The following MPZL1 variants were observed in gnomAD, a reference collection of about 807,000 sequenced individuals.
MPZL1 encodes myelin protein zero like 1.
Under a neutral mutation model 29.3 loss-of-function variants are expected in MPZL1, and 16 were observed. The observed-to-expected ratio is 0.55, with a 90% CI of 0.37 to 0.83. MPZL1 has a LOEUF of 0.83. Ranked by LOEUF, MPZL1 falls within the 40% of genes least tolerant of loss-of-function variation. The pLI, the probability that MPZL1 is intolerant of heterozygous loss-of-function variation, is 0.00. For synonymous variants in MPZL1, 143 were observed against 132.0 expected, an observed-to-expected ratio of 1.08 and a Z score of -0.57; for missense variants, 279 against 332.9, an observed-to-expected ratio of 0.84 and a Z score of 1.26.
At chr1:167,737,534 C>T (rs537059109) in intron 1 of MPZL1, among the ~76,000 whole-genome samples, 1 of 152,276 alleles carries the variant, frequency 6.6e-6, no homozygotes, top group Admixed American at 6.5e-5. Context: ...TTTAGCAGAT[C>T]GGGTTGTTAG....
In MPZL1 at chr1:167,741,703, A is replaced by AT. The variant is rs1424400013; in HGVS notation, c.91+19465dup. On this transcript the variant is annotated intron_variant, in intron 1 of 5. Transcript: ENST00000359523. ...CATTTTCTACATAGCAGCAAGAACT[A>AT]TTTTACATCAGGTGCTGTCATTTTG... is the stretch of plus-strand genomic sequence containing the variant. Among the ~76,000 whole-genome samples, 3 of 151,944 alleles carry AT rather than the reference A, an allele frequency of 2.0e-5. 1 individual carries two copies. The highest frequency in any genetic ancestry group is 4.8e-5 in the African/African-American group (2 of 41,390).
chr1:167,782,777 G>T (rs1661522040), intron 5 of MPZL1, among the ~76,000 whole-genome samples: 1 of 152,066 alleles, frequency 6.6e-6, no homozygotes, highest in African/African-American at 2.4e-5. Flanking sequence ...GAGGCAGAAG[G>T]GTAAGCATCG....
chr1:167,768,062 C>T (rs1661155957), intron 2 of MPZL1, among the ~76,000 whole-genome samples: 3 of 152,014 alleles, frequency 2.0e-5, no homozygotes, highest in African/African-American at 7.3e-5. Flanking sequence ...TGGTCTTGTG[C>T]AGTAGCCCCT....
intron 1 of MPZL1, among the ~76,000 whole-genome samples, chr1:167,751,500 T>C (rs1197065847): frequency 6.6e-6 from 1 of 152,012 alleles, no homozygotes; most frequent in Non-Finnish European, 1.5e-5. Context: ...TGAAACCCCA[T>C]CTCTACTAAA....
intron 2 of MPZL1, among the ~76,000 whole-genome samples, chr1:167,767,083 A>G (rs1281548779): frequency 6.6e-6 from 1 of 152,248 alleles, no homozygotes; most frequent in East Asian, 1.9e-4. Flanking sequence ...CCCAAGAGCC[A>G]GTGTTTGCTC....
chr1:167,748,535 C>T (rs1425419467), intron 1 of MPZL1, among the ~76,000 whole-genome samples: 1 of 152,144 alleles, frequency 6.6e-6, no homozygotes, highest in Non-Finnish European at 1.5e-5. Flanking sequence ...ATACAAGTCT[C>T]ATATATGATT....
At chr1:167,787,085 G>GA (rs1233445968) in intron 5 of MPZL1, 9 of 152,200 alleles carry the variant, frequency 5.9e-5, no homozygotes, top group Non-Finnish European at 1.3e-4. Context: ...CTGAGGCTGA[G>GA]AAGAGGATCT....
intron 1 of MPZL1, among the ~76,000 whole-genome samples, chr1:167,749,252 T>C (rs1012057635): frequency 5.3e-5 from 8 of 152,218 alleles, no homozygotes; most frequent in Admixed American, 5.2e-4. Flanking sequence ...CTCTAAAATT[T>C]TGTTGTACCA....
rs748144306 is a variant in MPZL1 at position 167,770,102 on chromosome 1, A to G, written c.259-2173A>G. Among the ~76,000 whole-genome samples the G allele has an allele frequency of 7.9e-5, 12 of 152,170 alleles. 1 individual carries two copies. Among genetic ancestry groups the G allele is most frequent in the Non-Finnish European group, 1.6e-4 (11 of 68,026 alleles). ...TAAAGTGAGTAGGCAAGGAGTCTAG[A>G]GCTTAGGGGACGCTATTGATGGAGA... is the stretch of plus-strand genomic sequence containing the variant. On this transcript the variant is annotated intron_variant, in intron 2 of 5. Coordinates refer to ENST00000359523, the MANE Select transcript of MPZL1 (RefSeq NM_003953.6).
intron 2 of MPZL1, among the ~76,000 whole-genome samples, chr1:167,770,905 C>G (rs1439788348): frequency 1.3e-5 from 2 of 151,946 alleles, no homozygotes; most frequent in Non-Finnish European, 2.9e-5. Flanking sequence ...GAGTCTGATT[C>G]TTCCATTGAA....
chr1:167,772,221 T>C, intron 2 of MPZL1, 54 bp from the exon 3 acceptor site: 1 of 1,421,684 alleles, frequency 7.0e-7, no homozygotes, highest in Non-Finnish European at 9.8e-7. Context: ...CATTACAGAG[T>C]TTAGGAATTC....
chr1:167,770,205 G>A (rs1456676010), intron 2 of MPZL1, among the ~76,000 whole-genome samples: 6 of 152,176 alleles, frequency 3.9e-5, no homozygotes, highest in African/African-American at 7.2e-5. Flanking sequence ...GGTTTTCACC[G>A]TGCTCAAAGG....
chr1:167,773,097 T>C (rs1372623205), intron 3 of MPZL1, 139 bp from the exon 4 acceptor site: 4 of 795,640 alleles, frequency 5.0e-6, no homozygotes, highest in East Asian at 2.5e-5. Flanking sequence ...ATAGGATAGA[T>C]AGTAGGATCT....
intron 2 of MPZL1, among the ~76,000 whole-genome samples, chr1:167,767,329 T>C (rs989046648): frequency 3.9e-5 from 6 of 152,228 alleles, no homozygotes; most frequent in Admixed American, 6.5e-5. Flanking sequence ...CAAAGAACTA[T>C]TTAAACATTT....
chr1:167,790,368 G>A lies in MPZL1; in HGVS notation c.*2447G>A, dbSNP rs1184525890. The A allele has an allele frequency of 6.6e-6, 1 of 152,296 alleles. No individual in the cohort carries two copies. Among genetic ancestry groups the A allele is most frequent in the Non-Finnish European group, 1.5e-5 (1 of 68,106 alleles). 9.4% of individuals were successfully genotyped at this position (152,296 alleles called of 1,614,324 possible). ...GCATTCTGGCAGAGAATCCTCACCAGTTCTCACCAACCTTCCCCCCAGGCA... is the reference window on the plus strand; with the variant it reads ...GCATTCTGGCAGAGAATCCTCACCAATTCTCACCAACCTTCCCCCCAGGCA... On this transcript the variant is annotated 3_prime_UTR_variant, in exon 6 of 6. Coordinates refer to ENST00000359523, the MANE Select transcript of MPZL1 (RefSeq NM_003953.6).
In MPZL1 at chr1:167,765,579, T is replaced by A; in HGVS notation, c.92-4T>A. ...TTCAACTACCCTTATTCCTTTCTCT[T>A]CAGTGACAGCTGGAGTATCAGCCTT... On this transcript the variant is annotated splice_region_variant and splice_polypyrimidine_tract_variant and intron_variant, in intron 1 of 5. Transcript: ENST00000359523. 1 of 1,602,160 alleles carries A rather than the reference T, an allele frequency of 6.2e-7. No homozygotes were observed. Among genetic ancestry groups the A allele is most frequent in the South Asian group, 1.1e-5 (1 of 88,586 alleles).
Position 167,772,338 on chromosome 1 carries a change from A to C in MPZL1, c.322A>C (p.Ser108Arg). ...TTATCCACCATTTAAAGACAGAATC[A>C]GCTGGGCTGGAGACCTTGACAAGAA... The part of the protein sequence containing the change: ...GNYPPFKDRI[S>R]WAGDLDKKDA... Residue 108 changes from serine to arginine, a missense_variant, in exon 3 of 6, where the codon AGC becomes CGC. Transcript: ENST00000359523. 1 of 1,613,970 alleles carries C rather than the reference A, an allele frequency of 6.2e-7. No individual in the cohort carries two copies.
rs141242973 is a variant in MPZL1 at position 167,772,429 on chromosome 1, A to G, written c.413A>G (p.Lys138Arg). Reference protein sequence around the residue: ...IHNGTYICDVKNPPDIVVQPG... With the variant: ...IHNGTYICDVRNPPDIVVQPG... ...AATGGCACCTATATCTGTGATGTCA[A>G]AAACCCTCCTGACATCGTTGTCCAG... The change falls in exon 3 of 6, where the codon AAA becomes AGA. Residue 138 changes from lysine (K) to arginine (R), a missense_variant. By Grantham distance (26) the Lys-to-Arg change is conservative. Transcript: ENST00000359523. The G allele has an allele frequency of 8.1e-6, 13 of 1,614,058 alleles. No homozygotes were observed. The highest frequency in any genetic ancestry group is 1.3e-5 in the African/African-American group (1 of 74,920).
intron 1 of MPZL1, among the ~76,000 whole-genome samples, chr1:167,726,349 T>A (rs2101743757): frequency 6.6e-6 from 1 of 152,320 alleles, no homozygotes; most frequent in South Asian, 2.1e-4. Flanking sequence ...CTTATTGTAA[T>A]TTCTATATGG....
Sources: allele counts gnomAD v4.1 joint callset (sites outside exome capture counted in the v4.1 genomes callset), GRCh38; gene constraint gnomAD v4.1.1; transcripts MANE v1.5; gene names NCBI Gene and HGNC (gene_info 2026-07-23, HGNC 2026-07-21).